Variants in FHIT observed in about 807,000 individuals in gnomAD.
The protein encoded by FHIT is bis(5'-adenosyl)-triphosphatase.
In FHIT, 19 loss-of-function variants were observed where a neutral mutation model predicts 17.9. The ratio of observed to expected loss-of-function variants is 1.06; its 90% CI spans 0.74 to 1.56. The LOEUF (loss-of-function observed/expected upper bound fraction) is 1.56. FHIT is among the 40% of genes most tolerant of loss of function. The pLI is 0.00. For missense variants in FHIT, 248 were observed against 189.2 expected (o/e 1.31, Z -1.82); for synonymous variants, 81 against 69.7 (o/e 1.16, Z -0.81).
chr3:60,123,873 T>TGA (rs112396156), intron 5 of FHIT, among the ~76,000 whole-genome samples: 19,796 of 146,090 alleles, frequency 0.14, 1,580 homozygotes, highest in South Asian at 0.21. Context: ...CAACCTGGAA[T>TGA]GAGACACTTA....
intron 5 of FHIT, among the ~76,000 whole-genome samples, chr3:60,262,393 G>T (rs1490700223): frequency 1.3e-5 from 2 of 152,012 alleles, no homozygotes; most frequent in Non-Finnish European, 2.9e-5. Context: ...CCCTGTGCTT[G>T]CAGAAAAGTG....
chr3:60,274,449 T>G (rs1174228755), intron 5 of FHIT, among the ~76,000 whole-genome samples: 4 of 152,134 alleles, frequency 2.6e-5, no homozygotes, highest in Non-Finnish European at 5.9e-5. Context: ...AAAATGTATC[T>G]TATATATGGA....
intron 4 of FHIT, among the ~76,000 whole-genome samples, chr3:60,735,363 G>A (rs1553712337): frequency 6.8e-6 from 1 of 147,286 alleles, no homozygotes; most frequent in Non-Finnish European, 1.5e-5. Context: ...TGGTGTAGAT[G>A]GAGCTAACTT....
chr3:59,831,246 A>G (rs1186973279), intron 8 of FHIT, among the ~76,000 whole-genome samples: 2 of 152,296 alleles, frequency 1.3e-5, no homozygotes, highest in African/African-American at 2.4e-5. Context: ...TGATATAATT[A>G]TCATCAACAT....
rs890001330 is a variant in FHIT, at chr3:60,458,677, C to G, written c.103+78183G>C. 3.9e-5 allele frequency among the ~76,000 whole-genome samples: 6 copies of G among 152,240 alleles called. No homozygotes were observed. The East Asian group carries it at 1.2e-3, about 29-fold the overall frequency. ...AGGTTTTTATGCCCATCTGCTTTCT[C>G]AACACACCTTGACCGCCAACTCTAG... is the stretch of plus-strand genomic sequence containing the variant. On this transcript the variant is annotated intron_variant, in intron 5 of 9. Coordinates refer to ENST00000492590, the MANE Select transcript of FHIT (RefSeq NM_002012.4).
intron 4 of FHIT, among the ~76,000 whole-genome samples, chr3:60,688,649 C>A (rs1553698991): frequency 6.6e-6 from 1 of 151,958 alleles, no homozygotes. Flanking sequence ...CCAGGCTGGT[C>A]TCAAACTCCT....
chr3:60,271,875 C>T (rs886574654), intron 5 of FHIT, among the ~76,000 whole-genome samples: 15 of 152,264 alleles, frequency 9.9e-5, no homozygotes, highest in African/African-American at 3.4e-4. Flanking sequence ...GAATTGCTGA[C>T]CATAATTGTT....
intron 5 of FHIT, among the ~76,000 whole-genome samples, chr3:60,449,634 T>A (rs1319093368): frequency 6.6e-6 from 1 of 152,140 alleles, no homozygotes; most frequent in African/African-American, 2.4e-5. Flanking sequence ...CATGTTATTG[T>A]ACTGAATACT....
At chr3:61,240,342 C>T (rs889952468) in intron 1 of FHIT, among the ~76,000 whole-genome samples, 9 of 152,214 alleles carry the variant, frequency 5.9e-5, no homozygotes, top group African/African-American at 9.6e-5. Flanking sequence ...AAGCTTTGCA[C>T]AGCACAACTC....
intron 3 of FHIT, among the ~76,000 whole-genome samples, chr3:60,825,388 T>C (rs1428144951): frequency 6.6e-6 from 1 of 152,204 alleles, no homozygotes; most frequent in Non-Finnish European, 1.5e-5. Flanking sequence ...TCAGTGTGGA[T>C]GTTTCATAAA....
chr3:60,259,202 A>G (rs767765098), intron 5 of FHIT, among the ~76,000 whole-genome samples: 1 of 152,104 alleles, frequency 6.6e-6, no homozygotes, highest in African/African-American at 2.4e-5. Flanking sequence ...GAAATAGAAG[A>G]AGTGGGCAGA....
At position 59,894,074 on chromosome 3, in the gene FHIT, G is replaced by A. The variant is rs145804018; in HGVS notation, c.348+28272C>T. 9.7e-4 allele frequency among the ~76,000 whole-genome samples: 148 copies of A among 152,190 alleles called. 2 individuals carry two copies. Among genetic ancestry groups the A allele is most frequent in the African/African-American group, 3.4e-3 (143 of 41,528 alleles). ...TTTAGACCAGCCTGGGCAACATGGC[G>A]AAACCCTGCCTCTACAAAAAATAGC... On this transcript the variant is annotated intron_variant, in intron 8 of 9. Transcript: ENST00000492590.
chr3:60,981,503 G>T (rs997439097), intron 3 of FHIT, among the ~76,000 whole-genome samples: 46 of 151,832 alleles, frequency 3.0e-4, no homozygotes, highest in Non-Finnish European at 5.9e-5. Context: ...TAGAGATGGG[G>T]TTTCACTGTG....
intron 5 of FHIT, among the ~76,000 whole-genome samples, chr3:60,532,318 C>T (rs988548858): frequency 3.9e-5 from 6 of 152,112 alleles, no homozygotes; most frequent in African/African-American, 9.7e-5. Flanking sequence ...ATTTTATTTA[C>T]AATGAAAGCC....
At chr3:60,363,218 C>T (rs1002393730) in intron 5 of FHIT, among the ~76,000 whole-genome samples, 21 of 152,142 alleles carry the variant, frequency 1.4e-4, no homozygotes, top group African/African-American at 5.1e-4. Context: ...TCAGTCCTTA[C>T]CATTGCTCTA....
intron 4 of FHIT, among the ~76,000 whole-genome samples, chr3:60,755,697 T>C (rs1274347405): frequency 2.0e-5 from 3 of 152,236 alleles, no homozygotes; most frequent in Admixed American, 2.0e-4. Flanking sequence ...TTTAGCTTAT[T>C]TAAAGTTTCA....
chr3:60,244,342 A>C (rs992125891), intron 5 of FHIT, among the ~76,000 whole-genome samples: 4 of 152,068 alleles, frequency 2.6e-5, no homozygotes, highest in Non-Finnish European at 5.9e-5. Flanking sequence ...GAGAAGGATA[A>C]AAGGTCACAC....
chr3:60,881,074 T>C (rs915286646), intron 3 of FHIT, among the ~76,000 whole-genome samples: 6 of 152,088 alleles, frequency 3.9e-5, no homozygotes, highest in Admixed American at 2.0e-4. Flanking sequence ...TAAGGATACA[T>C]ACAGATTAAG....
At chr3:60,102,208 A>G (rs1439645397) in intron 5 of FHIT, among the ~76,000 whole-genome samples, 2 of 151,570 alleles carry the variant, frequency 1.3e-5, no homozygotes, top group African/African-American at 4.9e-5. Flanking sequence ...CCTGAGAACT[A>G]ACAACATCTC....
Sources: allele counts gnomAD v4.1 joint callset (sites outside exome capture counted in the v4.1 genomes callset), GRCh38; gene constraint gnomAD v4.1.1; transcripts MANE v1.5; gene names NCBI Gene and HGNC (gene_info 2026-07-23, HGNC 2026-07-21).